FBXO36: variants seen among roughly 807,000 people sequenced by gnomAD.
The protein encoded by FBXO36 is F-box protein 36, also known as F-box only protein 36.
In FBXO36, 18 loss-of-function variants were observed where a neutral mutation model predicts 17.0. The observed-to-expected ratio is 1.06, with a 90% confidence interval of 0.73 to 1.57. The LOEUF is 1.57. Among genes scored for constraint, FBXO36 ranks in the 40% most tolerant of loss-of-function variants. The pLI is 0.00. For missense variants in FBXO36, 229 were observed against 221.9 expected (o/e 1.03, Z -0.20); for synonymous variants, 83 against 85.3 (o/e 0.97, Z 0.15).
intron 1 of FBXO36, among the ~76,000 whole-genome samples, chr2:229,934,209 G>A (rs2076953220): frequency 6.6e-6 from 1 of 151,848 alleles, no homozygotes; most frequent in South Asian, 2.1e-4. Flanking sequence ...AGACCATCCT[G>A]GCTAACACGG....
rs1200975478 is a variant in FBXO36, at chr2:229,940,090, T to TA, written c.96+17492dup. On this transcript the variant is annotated intron_variant, in intron 1 of 3. Transcript: ENST00000283946. ...AGTGAGACCCTGTCTCAAAAAAATA[T>TA]AAAAAAAAAAAGGCTAAGAAGCCAT... is the stretch of plus-strand genomic sequence containing the variant. Among the ~76,000 whole-genome samples, 639 of 141,204 alleles carry TA rather than the reference T, an allele frequency of 4.5e-3. 1 individual carries two copies. Among genetic ancestry groups the TA allele is most frequent in the Middle Eastern group, 7.1e-3 (2 of 282 alleles). 92.6% of individuals were successfully genotyped at this position (141,204 alleles called of 152,430 possible). A position where few individuals can be genotyped will look rare whatever the true frequency, so the allele number is the denominator to read the frequency against.
intron 2 of FBXO36, among the ~76,000 whole-genome samples, chr2:229,996,000 G>T (rs2077325032): frequency 6.6e-6 from 1 of 151,920 alleles, no homozygotes; most frequent in Non-Finnish European, 1.5e-5. Flanking sequence ...AACAGGCTGG[G>T]TGTGGTGTCT....
At chr2:229,932,360 A>T (rs1416516177) in intron 1 of FBXO36, among the ~76,000 whole-genome samples, 1 of 152,110 alleles carries the variant, frequency 6.6e-6, no homozygotes, top group Non-Finnish European at 1.5e-5. Flanking sequence ...GTCTCTACTA[A>T]AAGTACAAAA....
intron 3 of FBXO36, among the ~76,000 whole-genome samples, chr2:230,007,980 C>T (rs1046089852): frequency 2.6e-5 from 4 of 152,144 alleles, no homozygotes; most frequent in South Asian, 2.1e-4. Context: ...CTACCCACCT[C>T]GGCCTCGCAG....
At chr2:229,992,811 A>G (rs2077304628) in intron 2 of FBXO36, among the ~76,000 whole-genome samples, 1 of 152,180 alleles carries the variant, frequency 6.6e-6, no homozygotes, top group Non-Finnish European at 1.5e-5. Context: ...GTTGAATGGC[A>G]CCTCAGTCAT....
In FBXO36 at chr2:229,976,334, A is replaced by C; in HGVS notation, c.190A>C (p.Asn64His). ...AGAAACCCATGAAGACTTCCTAGAG[A>C]ATTCACATCTTCAAGGTAAGGAACG... ...AKETHEDFLE[N>H]SHLQGQTALI... Residue 64 changes from asparagine to histidine, a missense_variant, in exon 2 of 4, where the codon AAT becomes CAT. Transcript: ENST00000283946. 6.2e-7 allele frequency: 1 copy of C among 1,611,914 alleles called. No homozygotes were observed. The highest frequency in any genetic ancestry group is 2.2e-5 in the East Asian group (1 of 44,804).
intron 1 of FBXO36, among the ~76,000 whole-genome samples, chr2:229,944,822 T>C (rs1466765821): frequency 6.6e-6 from 1 of 152,104 alleles, no homozygotes; most frequent in Admixed American, 6.6e-5. Flanking sequence ...CTCAATCTCC[T>C]GACCTCGTGA....
chr2:229,938,219 T>TC lies in FBXO36; in HGVS notation c.96+15610_96+15611insC, dbSNP rs1467054059. On this transcript the variant is annotated intron_variant, in intron 1 of 3. Coordinates refer to ENST00000283946, the MANE Select transcript of FBXO36 (RefSeq NM_174899.5). ...CGGATTGGTTAGATACAACTTTCTT[T>TC]TTTTTTTTTTTTTTTTTTTGAGGAG... Among the ~76,000 whole-genome samples the TC allele has an allele frequency of 1.6e-3, 217 of 134,088 alleles. 3 individuals carry two copies. Among genetic ancestry groups the TC allele is most frequent in the African/African-American group, 5.6e-3 (199 of 35,274 alleles). The allele number at this position is 134,088 out of a possible 152,430, so 88.0% of individuals were successfully genotyped here.
Position 229,958,217 on chromosome 2 carries a change from T to A in FBXO36, c.97-18024T>A, listed in dbSNP as rs931299580. Among the ~76,000 whole-genome samples the A allele has an allele frequency of 1.9e-3, 43 of 22,068 alleles. 1 individual carries two copies. The highest frequency in any genetic ancestry group is 4.0e-3 in the African/African-American group (39 of 9,812). 14.5% of individuals were successfully genotyped at this position (22,068 alleles called of 152,430 possible). A position where few individuals can be genotyped will look rare whatever the true frequency, so the allele number is the denominator to read the frequency against. ...ACTTCCATCTGTTTGACCTTTACAA[T>A]TTTTTTTTGTTCTTATTGTTTACAG... On this transcript the variant is annotated intron_variant, in intron 1 of 3. Transcript: ENST00000283946.
At chr2:229,963,748 C>T (rs1325116525) in intron 1 of FBXO36, among the ~76,000 whole-genome samples, 1 of 152,062 alleles carries the variant, frequency 6.6e-6, no homozygotes, top group Admixed American at 6.6e-5. Context: ...CCAGCCTATC[C>T]TTTGTGTTTC....
intron 1 of FBXO36, among the ~76,000 whole-genome samples, chr2:229,929,213 C>T (rs966482451): frequency 3.3e-5 from 5 of 151,816 alleles, no homozygotes; most frequent in Admixed American, 6.6e-5. Context: ...GGATTACAGG[C>T]GTGAGCCACT....
chr2:229,922,527 TGCC>T lies in FBXO36; in HGVS notation c.16_18del (p.Pro6del). 1 of 1,613,944 alleles carries T rather than the reference TGCC, an allele frequency of 6.2e-7. No individual in the cohort carries two copies. Among genetic ancestry groups the T allele is most frequent in the Non-Finnish European group, 8.5e-7 (1 of 1,179,982 alleles). ...TGGCGTCCCAAGATGGCGTCGTGGC[TGCC>T]GGAGACTCTCTTTGAAACTGTAGGA... On this transcript the variant is annotated inframe_deletion, in exon 1 of 4. Coordinates refer to ENST00000283946, the MANE Select transcript of FBXO36 (RefSeq NM_174899.5).
intron 1 of FBXO36, among the ~76,000 whole-genome samples, chr2:229,948,568 C>T (rs2077039390): frequency 6.7e-6 from 1 of 149,900 alleles, no homozygotes; most frequent in African/African-American, 2.5e-5. Context: ...CTTGCAGCTA[C>T]AGTTAGCCAC....
At chr2:229,937,838 CTG>C (rs906984676) in intron 1 of FBXO36, 3 of 151,242 alleles carry the variant, frequency 2.0e-5, no homozygotes, top group Non-Finnish European at 4.4e-5. Context: ...ATGCTAATCT[CTG>C]TATCGTTTCA....
rs535076155 is a variant in FBXO36, at chr2:229,935,584, C to A, written c.96+12975C>A. 3.3e-5 allele frequency among the ~76,000 whole-genome samples: 5 copies of A among 152,104 alleles called. No individual in the cohort carries two copies. In the South Asian group the frequency reaches 1.0e-3, roughly 32 times the overall value. On this transcript the variant is annotated intron_variant, in intron 1 of 3. Transcript: ENST00000283946. Reference sequence around the variant, plus strand: ...GAGAGTATTAACACATAGTAATTTTCAATGCTTTTTTTCTGAATTTGGTAT... The same window carrying A: ...GAGAGTATTAACACATAGTAATTTTAAATGCTTTTTTTCTGAATTTGGTAT...
Position 229,979,711 on chromosome 2 carries a change from C to T in FBXO36, c.205+3362C>T, listed in dbSNP as rs958697042. ...AGGAGAATCACTTGAACCCGGGAGG[C>T]GGAGTTAAAAAAAAAAAAAGTCTGC... On this transcript the variant is annotated intron_variant, in intron 2 of 3. Coordinates refer to ENST00000283946, the MANE Select transcript of FBXO36 (RefSeq NM_174899.5). Among the ~76,000 whole-genome samples the T allele has an allele frequency of 1.7e-4, 25 of 148,370 alleles. 1 individual carries two copies. In the East Asian group the frequency reaches 4.3e-3, roughly 26 times the overall value.
intron 1 of FBXO36, among the ~76,000 whole-genome samples, chr2:229,952,490 T>A (rs1393023893): frequency 2.6e-5 from 4 of 152,180 alleles, no homozygotes; most frequent in Non-Finnish European, 5.9e-5. Flanking sequence ...TACTGCTGTT[T>A]CCCATGAGGC....
intron 3 of FBXO36, among the ~76,000 whole-genome samples, chr2:230,003,506 A>G (rs904166505): frequency 2.7e-5 from 4 of 150,030 alleles, no homozygotes; most frequent in African/African-American, 7.3e-5. Flanking sequence ...TGTTTGTTGT[A>G]TCAAAAGGGC....
rs150685147 is a variant in FBXO36 at position 229,962,498 on chromosome 2, T to TTTTTATTTTATTTTATTTTA, written c.97-13710_97-13691dup. 7.7e-3 allele frequency among the ~76,000 whole-genome samples: 984 copies of TTTTTATTTTATTTTATTTTA among 127,368 alleles called. 27 individuals carry two copies. Among genetic ancestry groups the TTTTTATTTTATTTTATTTTA allele is most frequent in the African/African-American group, 0.024 (809 of 33,444 alleles). The allele number at this position is 127,368 out of a possible 152,430, so 83.6% of individuals were successfully genotyped here. A position where few individuals can be genotyped will look rare whatever the true frequency, so the allele number is the denominator to read the frequency against. ...GGCATGCACCACCACACCTAGTTGATTTTTATTTTATTTTATTTTATTTTA... is the reference window on the plus strand; with the variant it reads ...GGCATGCACCACCACACCTAGTTGATTTTTATTTTATTTTATTTTATTTTATTTTATTTTATTTTATTTTA... On this transcript the variant is annotated intron_variant, in intron 1 of 3. Coordinates refer to ENST00000283946, the MANE Select transcript of FBXO36 (RefSeq NM_174899.5).
Sources: allele counts gnomAD v4.1 joint callset (sites outside exome capture counted in the v4.1 genomes callset), GRCh38; gene constraint gnomAD v4.1.1; transcripts MANE v1.5; gene names NCBI Gene and HGNC (gene_info 2026-07-23, HGNC 2026-07-21).